The following CCAR1 variants were observed in gnomAD, a reference collection of about 807,000 sequenced individuals.
CCAR1 encodes cell division cycle and apoptosis regulator protein 1.
CCAR1 carries 78 observed loss-of-function variants against 163.8 expected under a neutral mutation model. The observed-to-expected ratio is 0.48, with a 90% CI of 0.40 to 0.57. The LOEUF is 0.57. Ranked by LOEUF, CCAR1 falls within the 20% of genes least tolerant of loss-of-function variation. The pLI is 0.00. For missense variants in CCAR1, 1,019 were observed against 1,365.2 expected (o/e 0.75, Z 4.00); for synonymous variants, 443 against 460.7 (o/e 0.96, Z 0.49).
In CCAR1 at chr10:68,752,972, A is replaced by G. The variant is rs181974396; in HGVS notation, c.1119-880A>G. ...CTGTAGATAGAATAGATAGATAAAT[A>G]GATGAATAGGTAGGCAGGTAATAGT... On this transcript the variant is annotated intron_variant, in intron 10 of 24. Coordinates refer to ENST00000265872, the MANE Select transcript of CCAR1 (RefSeq NM_018237.4). Among the ~76,000 whole-genome samples the G allele has an allele frequency of 3.2e-3, 493 of 152,190 alleles. 4 individuals are homozygous for G. Among genetic ancestry groups the G allele is most frequent in the African/African-American group, 0.012 (483 of 41,500 alleles).
intron 23 of CCAR1, among the ~76,000 whole-genome samples, chr10:68,788,912 C>T (rs2056823940): frequency 1.3e-5 from 2 of 151,354 alleles, no homozygotes; most frequent in Non-Finnish European, 3.0e-5. Context: ...TCTTCTGGTT[C>T]CACTTTTTTT....
intron 23 of CCAR1, 42 bp downstream of exon 23, chr10:68,788,370 G>A (rs776331065): frequency 7.1e-7 from 1 of 1,400,506 alleles, no homozygotes; most frequent in Non-Finnish European, 9.6e-7. Context: ...TCAGCACCCT[G>A]CTGGGACACG....
At chr10:68,722,664 C>A in intron 2 of CCAR1, 87 bp downstream of exon 2, 1 of 993,776 alleles carries the variant, frequency 1.0e-6, no homozygotes, top group Non-Finnish European at 1.6e-6. Flanking sequence ...GTGGCTCACG[C>A]CTGTTATCCT....
chr10:68,783,835 G>T (rs2056764937), intron 19 of CCAR1, among the ~76,000 whole-genome samples: 1 of 151,692 alleles, frequency 6.6e-6, no homozygotes. Flanking sequence ...TCAGCTCACT[G>T]CAAGCTCCGC....
chr10:68,749,723 A>C lies in CCAR1; in HGVS notation c.1118+38A>C, dbSNP rs181339618. 2.3e-3 allele frequency: 3,427 copies of C among 1,496,844 alleles called. 11 individuals carry two copies. Among genetic ancestry groups the C allele is most frequent in the South Asian group, 2.8e-3 (232 of 83,884 alleles). 92.7% of individuals were successfully genotyped at this position (1,496,844 alleles called of 1,614,324 possible). A position where few individuals can be genotyped will look rare whatever the true frequency, so the allele number is the denominator to read the frequency against. On this transcript the variant is annotated intron_variant, in intron 10 of 24. Transcript: ENST00000265872. ...CCACCCATTGTTTTCTTGAGTTACT[A>C]ATTTCATATAATTTGATAGAATATG...
intron 2 of CCAR1, among the ~76,000 whole-genome samples, chr10:68,724,200 T>TGC (rs1187883944): frequency 3.3e-5 from 5 of 151,860 alleles, no homozygotes; most frequent in African/African-American, 1.2e-4. Context: ...AGGTGTCTCA[T>TGC]GCCTGTAATC....
chr10:68,748,056 G>A (rs1028407676), intron 8 of CCAR1, among the ~76,000 whole-genome samples: 1 of 152,124 alleles, frequency 6.6e-6, no homozygotes, highest in Non-Finnish European at 1.5e-5. Context: ...GTTTCACCAC[G>A]TTGGCCAGGC....
At chr10:68,734,578 C>T (rs2056082727) in intron 2 of CCAR1, among the ~76,000 whole-genome samples, 2 of 151,998 alleles carry the variant, frequency 1.3e-5, no homozygotes, top group Non-Finnish European at 1.5e-5. Context: ...CTCACTGCAA[C>T]CTCTGCCCGC....
At chr10:68,739,043 T>C (rs1218552783) in intron 4 of CCAR1, among the ~76,000 whole-genome samples, 1 of 152,240 alleles carries the variant, frequency 6.6e-6, no homozygotes, top group Non-Finnish European at 1.5e-5. Context: ...GCAAGTTTCA[T>C]TGGACCCTTT....
chr10:68,759,621 G>T (rs547319826), intron 15 of CCAR1, among the ~76,000 whole-genome samples: 344 of 151,284 alleles, frequency 2.3e-3, no homozygotes, highest in Non-Finnish European at 3.7e-3. Flanking sequence ...CTACTCAGGA[G>T]CCTGAGGTGG....
Position 68,772,904 on chromosome 10 carries a change from G to A in CCAR1, c.2539-84G>A, listed in dbSNP as rs1016429876. The A allele has an allele frequency of 3.6e-5, 23 of 639,682 alleles. No individual in the cohort carries two copies. In the Middle Eastern group the frequency reaches 1.4e-3, roughly 38 times the overall value. 39.6% of individuals were successfully genotyped at this position (639,682 alleles called of 1,614,324 possible). ...GGCCAGTGGATCGCTTGAGCCCACG[G>A]GTTGGAGACCAGCGTGGGCAATATG... is the stretch of plus-strand genomic sequence containing the variant. On this transcript the variant is annotated intron_variant, in intron 18 of 24. Transcript: ENST00000265872.
At chr10:68,733,652 T>C (rs1467727291) in intron 2 of CCAR1, among the ~76,000 whole-genome samples, 1 of 151,950 alleles carries the variant, frequency 6.6e-6, no homozygotes, top group Non-Finnish European at 1.5e-5. Flanking sequence ...ATAATAAGAA[T>C]TTTTAAAATT....
At position 68,742,394 on chromosome 10, in the gene CCAR1, A is replaced by G. The variant is rs775911028; in HGVS notation, c.343A>G (p.Thr115Ala). The G allele has an allele frequency of 6.2e-7, 1 of 1,612,460 alleles. No individual in the cohort carries two copies. The highest frequency in any genetic ancestry group is 2.2e-5 in the East Asian group (1 of 44,860). Residue 115 changes from threonine to alanine, a missense_variant, in exon 6 of 25, where the codon ACA (threonine) becomes GCA (alanine). Around this residue, in one of 4 missense-constraint regions of CCAR1, gnomAD observed 644 missense variants for 904.4 expected, o/e 0.71. Coordinates refer to ENST00000265872, the MANE Select transcript of CCAR1 (RefSeq NM_018237.4). ...LLTQPAVALP[T>A]SLSLSTPQPT... ...TTTATAGCCAGCTGTTGCACTGCCT[A>G]CAAGCCTTAGCCTGTCTACTCCTCA...
chr10:68,748,400 CAAAA>C (rs934325507), intron 8 of CCAR1, among the ~76,000 whole-genome samples: 1 of 143,346 alleles, frequency 7.0e-6, no homozygotes, highest in South Asian at 2.2e-4. Context: ...AACTCTGTCT[CAAAA>C]AAAAGAGAAA....
intron 15 of CCAR1, chr10:68,759,233 G>T (rs573393132): frequency 6.6e-6 from 1 of 152,258 alleles, no homozygotes; most frequent in South Asian, 2.1e-4. Flanking sequence ...CTGCAACATA[G>T]TGAGGCCCTG....
At chr10:68,762,539 C>T (rs549925667) in intron 16 of CCAR1, among the ~76,000 whole-genome samples, 3 of 152,024 alleles carry the variant, frequency 2.0e-5, no homozygotes, top group Non-Finnish European at 2.9e-5. Flanking sequence ...GATGCATAAG[C>T]CTGTTACTTG....
intron 19 of CCAR1, 90 bp downstream of exon 19, chr10:68,773,189 C>A: frequency 1.5e-6 from 1 of 679,292 alleles, no homozygotes; most frequent in Non-Finnish European, 2.5e-6. Flanking sequence ...ATACTTTTAA[C>A]ATTTTTTTCT....
At chr10:68,790,169 C>T (rs961918104) in intron 24 of CCAR1, among the ~76,000 whole-genome samples, 1 of 151,970 alleles carries the variant, frequency 6.6e-6, no homozygotes, top group African/African-American at 2.4e-5. Context: ...GCCTCGCCAA[C>T]GTGGTGAAAC....
Position 68,757,386 on chromosome 10 carries a change from G to A in CCAR1, c.1920+9G>A. ...ATCCAAAGACAATGAAGGTAACTTT[G>A]ATAAGGATGGATTTTATTTATTTTT... is the stretch of plus-strand genomic sequence containing the variant. On this transcript the variant is annotated intron_variant, in intron 15 of 24. Transcript: ENST00000265872. 2 of 1,382,572 alleles carry A rather than the reference G, an allele frequency of 1.4e-6. No homozygotes were observed. Among genetic ancestry groups the A allele is most frequent in the Non-Finnish European group, 2.0e-6 (2 of 979,560 alleles). 85.6% of individuals were successfully genotyped at this position (1,382,572 alleles called of 1,614,324 possible).
Sources: allele counts gnomAD v4.1 joint callset (sites outside exome capture counted in the v4.1 genomes callset), GRCh38; gene constraint gnomAD v4.1.1; regional missense constraint gnomAD v4.1.1; transcripts MANE v1.5; gene names NCBI Gene and HGNC (gene_info 2026-07-23, HGNC 2026-07-21).